CTNNA3: variants seen among roughly 807,000 people sequenced by gnomAD.
The protein encoded by CTNNA3 is catenin alpha 3.
Under a neutral mutation model 95.7 loss-of-function variants are expected in CTNNA3, and 76 were observed. That is an observed-to-expected ratio of 0.79 (90% CI 0.66 to 0.96). The LOEUF is 0.96. CTNNA3 is among the 40% of genes least tolerant of loss of function. The pLI, the probability that CTNNA3 is intolerant of heterozygous loss-of-function variation, is 0.00. For synonymous variants in CTNNA3, 431 were observed against 374.4 expected (o/e 1.15, Z -1.74); for missense variants, 1,191 against 1,089.8 (o/e 1.09, Z -1.31).
chr10:66,455,176 T>C (rs1393766074), intron 11 of CTNNA3, among the ~76,000 whole-genome samples: 1 of 152,178 alleles, frequency 6.6e-6, no homozygotes, highest in Non-Finnish European at 1.5e-5. Flanking sequence ...TAAAAGAATA[T>C]TGGCTTTTCT....
chr10:65,974,676 C>T (rs1281460222), intron 16 of CTNNA3, among the ~76,000 whole-genome samples: 1 of 151,954 alleles, frequency 6.6e-6, no homozygotes, highest in Non-Finnish European at 1.5e-5. Context: ...ATCAATTGTA[C>T]TTCAAACCTC....
intron 7 of CTNNA3, among the ~76,000 whole-genome samples, chr10:67,018,472 T>TA (rs1852797548): frequency 6.6e-6 from 1 of 152,200 alleles, no homozygotes; most frequent in Non-Finnish European, 1.5e-5. Context: ...TTAAATTACA[T>TA]AAAAAATCTA....
intron 1 of CTNNA3, among the ~76,000 whole-genome samples, chr10:67,655,378 C>T (rs552010924): frequency 6.6e-6 from 1 of 152,278 alleles, no homozygotes; most frequent in Non-Finnish European, 1.5e-5. Context: ...CAAATGTTAA[C>T]CTTTGCCTAA....
intron 7 of CTNNA3, among the ~76,000 whole-genome samples, chr10:66,941,620 G>C (rs1181651093): frequency 6.6e-6 from 1 of 152,132 alleles, no homozygotes; most frequent in African/African-American, 2.4e-5. Context: ...ATAAACTGCA[G>C]AACACGATAT....
chr10:66,249,726 C>T (rs575219509), intron 13 of CTNNA3, among the ~76,000 whole-genome samples: 6 of 152,142 alleles, frequency 3.9e-5, no homozygotes, highest in African/African-American at 1.4e-4. Context: ...TTTGGAGTTT[C>T]CTCAAACCTC....
chr10:66,474,905 T>A (rs115558218), intron 11 of CTNNA3, among the ~76,000 whole-genome samples: 1,763 of 152,132 alleles, frequency 0.012, 36 homozygotes, highest in African/African-American at 0.04. Flanking sequence ...ATTAGATTGT[T>A]TTGTTTTGCT....
At chr10:66,908,037 C>T (rs969981832) in intron 7 of CTNNA3, among the ~76,000 whole-genome samples, 2 of 152,168 alleles carry the variant, frequency 1.3e-5, no homozygotes, top group African/African-American at 4.8e-5. Context: ...GAATTGTCTA[C>T]TTGAAAGTCT....
At chr10:66,696,494 T>C (rs1169972466) in intron 9 of CTNNA3, among the ~76,000 whole-genome samples, 1 of 152,168 alleles carries the variant, frequency 6.6e-6, no homozygotes, top group East Asian at 1.9e-4. Context: ...GTGAACTAAC[T>C]TATTCTCCCA....
intron 9 of CTNNA3, among the ~76,000 whole-genome samples, chr10:66,695,540 C>A (rs1272465327): frequency 1.3e-5 from 2 of 151,926 alleles, no homozygotes; most frequent in African/African-American, 4.8e-5. Flanking sequence ...TCCTCGAATA[C>A]CCTCTGTGAT....
intron 5 of CTNNA3, among the ~76,000 whole-genome samples, chr10:67,375,288 A>C (rs554825948): frequency 1.3e-5 from 2 of 152,212 alleles, no homozygotes; most frequent in African/African-American, 4.8e-5. Flanking sequence ...TATCACAATG[A>C]GTCAAGGTCA....
chr10:66,733,137 A>G (rs1849016795), intron 9 of CTNNA3, among the ~76,000 whole-genome samples: 1 of 152,174 alleles, frequency 6.6e-6, no homozygotes, highest in Admixed American at 6.5e-5. Context: ...TATTATATTC[A>G]AGTAAGATAT....
chr10:66,097,755 C>T (rs537843607), intron 14 of CTNNA3, among the ~76,000 whole-genome samples: 1 of 152,068 alleles, frequency 6.6e-6, no homozygotes, highest in Admixed American at 6.6e-5. Context: ...CAGCTGCCAC[C>T]CTGCTGCAAC....
At chr10:67,669,794 C>G (rs1179622287) in intron 1 of CTNNA3, among the ~76,000 whole-genome samples, 2 of 152,130 alleles carry the variant, frequency 1.3e-5, no homozygotes, top group African/African-American at 4.8e-5. Context: ...AAACAGATTG[C>G]CCCTTTGATT....
intron 1 of CTNNA3, among the ~76,000 whole-genome samples, chr10:67,747,668 A>G (rs1429978879): frequency 6.6e-6 from 1 of 152,220 alleles, no homozygotes; most frequent in Admixed American, 6.5e-5. Flanking sequence ...CAACGAAAAA[A>G]CGCTAAAAAC....
chr10:67,619,292 G>A lies in CTNNA3; in HGVS notation c.100-12243C>T, dbSNP rs146343996. 6.1e-4 allele frequency among the ~76,000 whole-genome samples: 93 copies of A among 152,268 alleles called. 2 individuals are homozygous for A. Among genetic ancestry groups the A allele is most frequent in the African/African-American group, 2.1e-3 (88 of 41,560 alleles). The stretch of plus-strand genomic sequence containing the variant: ...ACATGTAAAGCAATGGAATAGAATA[G>A]AGAACCCAATACCAAATCCATACAT... On this transcript the variant is annotated intron_variant, in intron 2 of 17. Transcript: ENST00000433211.
intron 5 of CTNNA3, among the ~76,000 whole-genome samples, chr10:67,242,130 T>A (rs1865737922): frequency 6.6e-6 from 1 of 152,210 alleles, no homozygotes; most frequent in Admixed American, 6.5e-5. Context: ...CTGTTGTAAC[T>A]AATACAACTA....
intron 5 of CTNNA3, among the ~76,000 whole-genome samples, chr10:67,301,447 C>A (rs752889861): frequency 6.6e-6 from 1 of 152,070 alleles, no homozygotes; most frequent in Non-Finnish European, 1.5e-5. Context: ...CATGGAGAGT[C>A]CTCAAAAAAC....
At chr10:66,473,455 G>T (rs1307462946) in intron 11 of CTNNA3, among the ~76,000 whole-genome samples, 1 of 151,956 alleles carries the variant, frequency 6.6e-6, no homozygotes, top group Non-Finnish European at 1.5e-5. Flanking sequence ...TTTCAACCAT[G>T]TGAAACTGTG....
chr10:67,714,548 C>T (rs1269894931), intron 1 of CTNNA3, among the ~76,000 whole-genome samples: 2 of 152,170 alleles, frequency 1.3e-5, no homozygotes, highest in East Asian at 3.9e-4. Flanking sequence ...TTTACAGGCT[C>T]ATAGGTAGAA....
Sources: gnomAD v4.1 joint callset for allele counts (sites outside exome capture counted in the v4.1 genomes callset) on GRCh38, gnomAD v4.1.1 for gene constraint, MANE v1.5 for transcripts, NCBI Gene and HGNC (gene_info 2026-07-23, HGNC 2026-07-21) for gene names.